STOX2: variants seen among roughly 807,000 people sequenced by gnomAD.
STOX2 encodes storkhead box 2.
Under a neutral mutation model 60.9 loss-of-function variants are expected in STOX2, and 28 were observed. The ratio of observed to expected loss-of-function variants is 0.46; its 90% CI spans 0.34 to 0.63. STOX2 has a LOEUF of 0.63. Ranked by LOEUF, STOX2 falls within the 30% of genes least tolerant of loss-of-function variation. STOX2 has a pLI of 0.01. For synonymous variants in STOX2, 472 were observed against 463.9 expected (o/e 1.02, Z -0.22); for missense variants, 1,024 against 1,187.7 (o/e 0.86, Z 2.03).
At chr4:183,826,152 C>T (rs1739426534) in intron 1 of STOX2, among the ~76,000 whole-genome samples, 7 of 152,130 alleles carry the variant, frequency 4.6e-5, no homozygotes, top group Non-Finnish European at 1.5e-5. Flanking sequence ...TCATTTCGCT[C>T]CTCAGATGAT....
At chr4:183,870,360 T>C (rs1270654909) in intron 1 of STOX2, among the ~76,000 whole-genome samples, 1 of 152,252 alleles carries the variant, frequency 6.6e-6, no homozygotes, top group Non-Finnish European at 1.5e-5. Flanking sequence ...AAACCATTTC[T>C]TTCTAGGTCG....
At chr4:183,917,166 A>G (rs138723549) in intron 1 of STOX2, among the ~76,000 whole-genome samples, 240 of 152,316 alleles carry the variant, frequency 1.6e-3, no homozygotes, top group Middle Eastern at 3.4e-3. Flanking sequence ...TGGCATTCCC[A>G]GTGGCTTCAG....
rs183149862 is a variant in STOX2 at position 183,809,840 on chromosome 4, A to G, written c.364+11785A>G. ...ACCGTTGTATCTTTTCCTTTAGTAC[A>G]CTTATTTTGCATTTGCTATTTTTGA... is the stretch of plus-strand genomic sequence containing the variant. On this transcript the variant is annotated intron_variant, in intron 1 of 2. Transcript: ENST00000513034. Among the ~76,000 whole-genome samples the G allele has an allele frequency of 2.1e-3, 323 of 152,274 alleles. 1 individual carries two copies. The highest frequency in any genetic ancestry group is 0.015 in the Admixed American group (232 of 15,294).
At chr4:183,924,949 G>A (rs914987102) in intron 1 of STOX2, among the ~76,000 whole-genome samples, 3 of 152,170 alleles carry the variant, frequency 2.0e-5, no homozygotes, top group Non-Finnish European at 2.9e-5. Context: ...CCGTGAATTT[G>A]TGGTGGCCTT....
chr4:183,841,658 A>G (rs953194189), intron 1 of STOX2, among the ~76,000 whole-genome samples: 2 of 152,196 alleles, frequency 1.3e-5, no homozygotes, highest in Non-Finnish European at 2.9e-5. Flanking sequence ...AACTTTTTAG[A>G]ATAGGTAAGA....
intron 1 of STOX2, among the ~76,000 whole-genome samples, chr4:183,831,772 T>C (rs1370326394): frequency 6.6e-6 from 1 of 152,084 alleles, no homozygotes; most frequent in African/African-American, 2.4e-5. Flanking sequence ...AGTAAATACA[T>C]AGATAAATAA....
At chr4:183,810,535 G>T (rs903441365) in intron 1 of STOX2, among the ~76,000 whole-genome samples, 15 of 152,170 alleles carry the variant, frequency 9.9e-5, no homozygotes, top group African/African-American at 3.6e-4. Context: ...AACATCAGGG[G>T]TGCTGTGGTT....
intron 1 of STOX2, among the ~76,000 whole-genome samples, chr4:183,993,351 C>A (rs920339039): frequency 1.3e-5 from 2 of 152,192 alleles, no homozygotes; most frequent in Non-Finnish European, 2.9e-5. Flanking sequence ...CTGGTCAGCA[C>A]AAAGGCCCGG....
At chr4:183,907,023 C>G in intron 1 of STOX2, 67 bp downstream of exon 1, 1 of 1,389,590 alleles carries the variant, frequency 7.2e-7, no homozygotes, top group Non-Finnish European at 9.6e-7. Context: ...CGCCGCGGCC[C>G]GGGTGCTTGG....
In STOX2 at chr4:183,860,927, C is replaced by T. The variant is rs192960080; in HGVS notation, c.364+62872C>T. Among the ~76,000 whole-genome samples the T allele has an allele frequency of 6.5e-3, 995 of 152,324 alleles. 1 individual carries two copies. The highest frequency in any genetic ancestry group is 0.011 in the Non-Finnish European group (721 of 68,032). On this transcript the variant is annotated intron_variant, in intron 1 of 2. Transcript: ENST00000513034. ...CCTGCCAAGCATCTTCCTGTAGGAA[C>T]TTGTCAGTGCCGCCATTAGTTGTTT...
intron 1 of STOX2, among the ~76,000 whole-genome samples, chr4:183,798,337 G>C (rs936472671): frequency 6.6e-6 from 1 of 150,852 alleles, no homozygotes; most frequent in African/African-American, 2.4e-5. Context: ...GGCCGGCCAG[G>C]TGGGCGCCGC....
chr4:183,922,188 A>G (rs1742120069), intron 1 of STOX2, among the ~76,000 whole-genome samples: 3 of 152,064 alleles, frequency 2.0e-5, no homozygotes, highest in Admixed American at 2.0e-4. Flanking sequence ...ACTTTCCTCA[A>G]ATTCGCTGTT....
intron 1 of STOX2, among the ~76,000 whole-genome samples, chr4:183,895,059 G>A (rs1048290601): frequency 2.0e-5 from 3 of 152,108 alleles, no homozygotes; most frequent in East Asian, 1.9e-4. Flanking sequence ...CAGGCATTAC[G>A]GAGGCAATGG....
chr4:183,936,329 C>T (rs2111122498), intron 1 of STOX2, among the ~76,000 whole-genome samples: 1 of 152,226 alleles, frequency 6.6e-6, no homozygotes, highest in African/African-American at 2.4e-5. Flanking sequence ...AGCGTAATTG[C>T]TTCAGCACCG....
intron 1 of STOX2, among the ~76,000 whole-genome samples, chr4:183,991,159 C>A (rs1733089107): frequency 3.9e-5 from 6 of 152,066 alleles, no homozygotes; most frequent in Admixed American, 3.9e-4. Context: ...CTCCTAGTGC[C>A]TTTTTCTCTC....
chr4:183,855,344 C>T (rs1303276908), intron 1 of STOX2, among the ~76,000 whole-genome samples: 2 of 152,094 alleles, frequency 1.3e-5, no homozygotes, highest in South Asian at 4.1e-4. Context: ...TTCATAGGCT[C>T]GTCTTGGGGG....
rs571698496 is a variant in STOX2 at position 183,806,308 on chromosome 4, C to G, written c.364+8253C>G. Among the ~76,000 whole-genome samples the G allele has an allele frequency of 3.3e-5, 5 of 152,170 alleles. No individual in the cohort carries two copies. Among genetic ancestry groups the G allele is most frequent in the Admixed American group, 3.3e-4 (5 of 15,274 alleles). Reference sequence around the variant, plus strand: ...CACCTCCCCACTCCCCAATAACGTACGTTTGGGAAGCACATGATGTCCCTT... The same window carrying G: ...CACCTCCCCACTCCCCAATAACGTAGGTTTGGGAAGCACATGATGTCCCTT... On this transcript the variant is annotated intron_variant, in intron 1 of 2. Coordinates refer to the STOX2 transcript ENST00000513034. The surrounding 1 kb of genome is among the most constrained non-coding windows in gnomAD (Gnocchi z 4.1).
intron 1 of STOX2, among the ~76,000 whole-genome samples, chr4:183,826,204 C>T (rs1159461978): frequency 3.3e-5 from 5 of 152,190 alleles, no homozygotes; most frequent in African/African-American, 1.2e-4. Flanking sequence ...AGAAAACAAA[C>T]TCAGCTGCCA....
chr4:183,944,147 T>C (rs184644815), intron 1 of STOX2, among the ~76,000 whole-genome samples: 3 of 152,342 alleles, frequency 2.0e-5, no homozygotes, highest in Non-Finnish European at 4.4e-5. Flanking sequence ...ACAGAGTAGC[T>C]GACAATGTAA....
Sources: gnomAD v4.1 joint callset for allele counts (sites outside exome capture counted in the v4.1 genomes callset) on GRCh38, gnomAD v4.1.1 for gene constraint, Gnocchi (gnomAD v3.1) non-coding constraint, MANE v1.5 for transcripts, NCBI Gene and HGNC (gene_info 2026-07-23, HGNC 2026-07-21) for gene names.